The following MYH15 variants were observed in gnomAD, a reference collection of about 807,000 sequenced individuals.
MYH15 encodes the protein myosin heavy chain 15.
MYH15 carries 227 observed loss-of-function variants against 240.5 expected under a neutral mutation model. The ratio of observed to expected loss-of-function variants is 0.94; its 90% CI spans 0.85 to 1.05. The LOEUF is 1.05. MYH15 is among the 50% of genes least tolerant of loss of function. The probability of loss-of-function intolerance (pLI) is 0.00; values close to 1 mark genes in which losing one functional copy is unlikely to be tolerated. For synonymous variants in MYH15, 785 were observed against 796.7 expected (o/e 0.99, Z 0.25); for missense variants, 2,217 against 2,247.5 (o/e 0.99, Z 0.27).
At position 108,383,743 on chromosome 3, in the gene MYH15, A is replaced by C. The variant is rs778861932; in HGVS notation, c.5632-14T>G. 41 of 1,530,082 alleles carry C rather than the reference A, an allele frequency of 2.7e-5. No homozygotes were observed. Among genetic ancestry groups the C allele is most frequent in the Admixed American group, 1.3e-4 (6 of 46,028 alleles). 94.8% of individuals were successfully genotyped at this position (1,530,082 alleles called of 1,614,324 possible). A position where few individuals can be genotyped will look rare whatever the true frequency, so the allele number is the denominator to read the frequency against. ...GGCTTGTGTTTCCTATAAAAATAAAAAAAAAAAAAAAGAAATCTCCATGCC... is the reference window on the plus strand; with the variant it reads ...GGCTTGTGTTTCCTATAAAAATAAACAAAAAAAAAAAGAAATCTCCATGCC... On this transcript the variant is annotated splice_polypyrimidine_tract_variant and intron_variant, in intron 39 of 40. Coordinates refer to ENST00000693548, the MANE Select transcript of MYH15 (RefSeq NM_014981.3).
intron 9 of MYH15, among the ~76,000 whole-genome samples, chr3:108,491,443 A>G (rs1227752335): frequency 6.6e-6 from 1 of 151,996 alleles, no homozygotes; most frequent in Non-Finnish European, 1.5e-5. Flanking sequence ...AAACTTGGGG[A>G]TATTTTTGAC....
Position 108,464,766 on chromosome 3 carries a change from C to T in MYH15, c.1603G>A (p.Ala535Thr), listed in dbSNP as rs2083100764. ...ILEEECMFPK[A>T]TDLTFKTKLF... ...TTGGTCTTGAAAGTCAGGTCTGTAG[C>T]CTTAGGAAACATACACTCTTCTTCA... Residue 535 changes from alanine to threonine, a missense_variant, in exon 15 of 41, where the codon GCT (alanine) becomes ACT (threonine). Ala to Thr is a moderately conservative substitution (Grantham distance 58). Transcript: ENST00000693548. 1 of 1,613,418 alleles carries T rather than the reference C, an allele frequency of 6.2e-7. No individual in the cohort carries two copies. The highest frequency in any genetic ancestry group is 1.7e-5 in the Admixed American group (1 of 59,910).
At chr3:108,424,736 T>C (rs1235787891) in intron 27 of MYH15, among the ~76,000 whole-genome samples, 1 of 152,176 alleles carries the variant, frequency 6.6e-6, no homozygotes, top group Non-Finnish European at 1.5e-5. Context: ...CATAAAATGA[T>C]AAAGTAAACA....
At chr3:108,432,335 G>A (rs960216221) in intron 25 of MYH15, among the ~76,000 whole-genome samples, 2 of 152,034 alleles carry the variant, frequency 1.3e-5, no homozygotes, top group Non-Finnish European at 2.9e-5. Context: ...TAGGATTACA[G>A]GCATGAGCCA....
In MYH15 at chr3:108,469,736, C is replaced by A. The variant is rs1441831382; in HGVS notation, c.1554+306G>T. On this transcript the variant is annotated intron_variant, in intron 14 of 40. Transcript: ENST00000693548. ...TCATATTTTTAGCTCTGTGTTTTTC[C>A]AGTCAAGAGCATGACCATTTTTAAA... Among the ~76,000 whole-genome samples, 3 of 152,154 alleles carry A rather than the reference C, an allele frequency of 2.0e-5. No homozygotes were observed. The East Asian group carries it at 5.8e-4, about 29-fold the overall frequency.
intron 22 of MYH15, among the ~76,000 whole-genome samples, chr3:108,441,709 T>A (rs1351998299): frequency 6.6e-6 from 1 of 152,228 alleles, no homozygotes; most frequent in Non-Finnish European, 1.5e-5. Flanking sequence ...TGCATGGATG[T>A]ACGTGTTTAA....
Position 108,428,715 on chromosome 3 carries a change from T to C in MYH15, c.3479A>G (p.Glu1160Gly), listed in dbSNP as rs141309745. ...TCGGTGCAGCTTCTGGAATTTGGTT[T>C]CCTGTTTCTTAGTTATTTCCAGCTG... ...LAQLEITKKQ[E>G]TKFQKLHRDM... is the part of the protein sequence containing the mutation. The change falls in exon 27 of 41, where the codon GAA (glutamate) becomes GGA (glycine). Residue 1160 changes from glutamate (E) to glycine (G), a missense_variant. By Grantham distance (98) the Glu-to-Gly change is moderately conservative. Transcript: ENST00000693548. The C allele has an allele frequency of 6.2e-7, 1 of 1,613,922 alleles. No individual in the cohort carries two copies. Among genetic ancestry groups the C allele is most frequent in the African/African-American group, 1.3e-5 (1 of 74,962 alleles).
At chr3:108,501,904 T>C (rs369858999) in intron 2 of MYH15, 49 bp from the exon 3 acceptor site, 36 of 1,564,888 alleles carry the variant, frequency 2.3e-5, no homozygotes, top group Non-Finnish European at 3.1e-5. Context: ...CTCCTATGCG[T>C]ATTCATTTTC....
intron 11 of MYH15, among the ~76,000 whole-genome samples, chr3:108,479,536 G>A (rs1011576806): frequency 1.3e-5 from 2 of 152,204 alleles, no homozygotes; most frequent in Non-Finnish European, 2.9e-5. Flanking sequence ...TCCCTGGCAA[G>A]TTGTAAAAAC....
chr3:108,427,600 CACACACACACACACACA>C (rs1158690421), intron 27 of MYH15, among the ~76,000 whole-genome samples: 76 of 97,202 alleles, frequency 7.8e-4, no homozygotes, highest in South Asian at 1.3e-3. Flanking sequence ...TGGACTAAGA[CACACACACACACACACA>C]ACACACACAC....
intron 29 of MYH15, among the ~76,000 whole-genome samples, 169 bp from the exon 30 acceptor site, chr3:108,414,597 A>T (rs1379540102): frequency 8.5e-5 from 13 of 152,328 alleles, no homozygotes; most frequent in Admixed American, 7.8e-4. Context: ...GACAAGAGAA[A>T]GGATAGATAG....
At chr3:108,497,418 G>A (rs1261541152) in intron 6 of MYH15, among the ~76,000 whole-genome samples, 1 of 152,058 alleles carries the variant, frequency 6.6e-6, no homozygotes, top group Middle Eastern at 3.4e-3. Flanking sequence ...GTTCCATTCA[G>A]CATTACCTGA....
intron 40 of MYH15, 51 bp from the exon 41 acceptor site, chr3:108,381,610 A>T (rs780103507): frequency 6.2e-7 from 1 of 1,601,602 alleles, no homozygotes; most frequent in Admixed American, 1.7e-5. Flanking sequence ...GATTTTCACC[A>T]GTGGAACACA....
chr3:108,444,456 C>T (rs3996017), intron 22 of MYH15, among the ~76,000 whole-genome samples, 184 bp downstream of exon 22: 116,841 of 152,132 alleles, frequency 0.77, 45,048 homozygotes, highest in Non-Finnish European at 0.78. Flanking sequence ...GACATCTTGC[C>T]AATTAAATCA....
At chr3:108,538,237 T>C in the MYH15 span, among the ~76,000 whole-genome samples, 1 of 152,298 alleles carries the variant, frequency 6.6e-6, no homozygotes, top group Admixed American at 6.5e-5. Context: ...TCCAAGTTGT[T>C]AGATGCCAGA....
chr3:108,439,560 CTT>C (rs2082868374), intron 24 of MYH15, among the ~76,000 whole-genome samples, 175 bp downstream of exon 24: 1 of 152,192 alleles, frequency 6.6e-6, no homozygotes, highest in South Asian at 2.1e-4. Context: ...AGAGACCTCT[CTT>C]ATACTATCGT....
rs528787836 is a variant in MYH15 at position 108,412,671 on chromosome 3, T to C, written c.4145+1561A>G. 5.4e-4 allele frequency among the ~76,000 whole-genome samples: 82 copies of C among 152,340 alleles called. 1 individual carries two copies. The highest frequency in any genetic ancestry group is 1.9e-3 in the African/African-American group (80 of 41,564). ...TAAGCACCTACTTAGTTATCTCGAA[T>C]ATGTAAAGGGATATTGGAAATTAAG... On this transcript the variant is annotated intron_variant, in intron 30 of 40. Coordinates refer to ENST00000693548, the MANE Select transcript of MYH15 (RefSeq NM_014981.3).
chr3:108,387,624 C>T (rs2082394093), intron 38 of MYH15, among the ~76,000 whole-genome samples: 1 of 152,154 alleles, frequency 6.6e-6, no homozygotes, highest in Non-Finnish European at 1.5e-5. Flanking sequence ...AAAGGAAAAT[C>T]CAGACATTAA....
chr3:108,501,478 G>A (rs144964063), intron 3 of MYH15, among the ~76,000 whole-genome samples: 26 of 152,338 alleles, frequency 1.7e-4, no homozygotes, highest in African/African-American at 6.3e-4. Context: ...TGGCTACTCT[G>A]TCAGGCTCTA....
Sources: allele counts gnomAD v4.1 joint callset (sites outside exome capture counted in the v4.1 genomes callset), GRCh38; gene constraint gnomAD v4.1.1; transcripts MANE v1.5; gene names NCBI Gene and HGNC (gene_info 2026-07-23, HGNC 2026-07-21).